Variants in AGBL4 observed in about 807,000 individuals in gnomAD.
AGBL4 encodes cytosolic carboxypeptidase 6.
AGBL4 carries 58 observed loss-of-function variants against 66.4 expected under a neutral mutation model. That is an observed-to-expected ratio of 0.87 (90% CI 0.71 to 1.09). The LOEUF (loss-of-function observed/expected upper bound fraction) is 1.09, where lower values mean the gene tolerates loss of function less well. Among genes scored for constraint, AGBL4 ranks in the 50% least tolerant of loss-of-function variants. The probability of loss-of-function intolerance (pLI) is 0.00; values close to 1 mark genes in which losing one functional copy is unlikely to be tolerated. For missense variants in AGBL4, 579 were observed against 631.0 expected, an observed-to-expected ratio of 0.92 and a Z score of 0.88; for synonymous variants, 234 against 222.9, an observed-to-expected ratio of 1.05 and a Z score of -0.44.
intron 5 of AGBL4, among the ~76,000 whole-genome samples, chr1:48,971,369 C>A (rs957368598): frequency 1.3e-5 from 2 of 152,054 alleles, no homozygotes; most frequent in African/African-American, 4.8e-5. Context: ...ACCATCTCCC[C>A]CTCCACCCCC....
At chr1:49,118,962 TAG>T (rs1226312833) in intron 4 of AGBL4, among the ~76,000 whole-genome samples, 8 of 152,244 alleles carry the variant, frequency 5.3e-5, no homozygotes, top group Non-Finnish European at 1.0e-4. Flanking sequence ...CCATTTCTTC[TAG>T]ATTTTCTAGT....
chr1:49,936,701 G>C (rs191148194), intron 1 of AGBL4, among the ~76,000 whole-genome samples: 3 of 152,132 alleles, frequency 2.0e-5, no homozygotes, highest in African/African-American at 7.2e-5. Flanking sequence ...TTAAGGAAAA[G>C]AATTTTCAAC....
chr1:49,207,599 TTTC>T (rs1475041735), intron 4 of AGBL4, among the ~76,000 whole-genome samples: 53 of 148,582 alleles, frequency 3.6e-4, no homozygotes, highest in Non-Finnish European at 6.2e-4. Context: ...TCTTTCTTTC[TTTC>T]TTCTTTTTAT....
At chr1:48,829,530 T>G (rs1646502842) in intron 6 of AGBL4, among the ~76,000 whole-genome samples, 1 of 152,188 alleles carries the variant, frequency 6.6e-6, no homozygotes, top group African/African-American at 2.4e-5. Context: ...AAGTATAAGT[T>G]CTGCCCTATG....
chr1:49,568,177 A>C (rs1384303113), intron 3 of AGBL4, among the ~76,000 whole-genome samples: 1 of 152,158 alleles, frequency 6.6e-6, no homozygotes, highest in Non-Finnish European at 1.5e-5. Context: ...AGGGCATCCA[A>C]ATAGAAAGAG....
intron 5 of AGBL4, among the ~76,000 whole-genome samples, chr1:48,947,634 C>A (rs1454260295): frequency 6.6e-6 from 1 of 152,164 alleles, no homozygotes; most frequent in Non-Finnish European, 1.5e-5. Context: ...AGAAGAATAT[C>A]AACCTAAATT....
At chr1:49,694,737 G>A (rs1011211296) in intron 3 of AGBL4, among the ~76,000 whole-genome samples, 4 of 152,136 alleles carry the variant, frequency 2.6e-5, no homozygotes, top group Non-Finnish European at 1.5e-5. Flanking sequence ...CACTCTGGCA[G>A]AGACATTTTG....
chr1:49,238,922 G>A (rs890555917), intron 4 of AGBL4, among the ~76,000 whole-genome samples: 1 of 152,060 alleles, frequency 6.6e-6, no homozygotes, highest in Non-Finnish European at 1.5e-5. Context: ...AGGTCCTAAG[G>A]AACCTAAGTA....
chr1:49,584,073 T>A (rs1009015735), intron 3 of AGBL4, among the ~76,000 whole-genome samples: 3 of 152,204 alleles, frequency 2.0e-5, no homozygotes, highest in African/African-American at 7.2e-5. Flanking sequence ...TGTTGCTATT[T>A]CTGCTTTGTG....
At chr1:48,717,634 A>C (rs1463600871) in intron 6 of AGBL4, among the ~76,000 whole-genome samples, 2 of 152,188 alleles carry the variant, frequency 1.3e-5, no homozygotes, top group Non-Finnish European at 2.9e-5. Context: ...AGGAGGATTC[A>C]AGGTGAATCT....
At chr1:49,069,137 T>G (rs1283070050) in intron 4 of AGBL4, among the ~76,000 whole-genome samples, 1 of 152,244 alleles carries the variant, frequency 6.6e-6, no homozygotes, top group South Asian at 2.1e-4. Context: ...ATTAGCCCTT[T>G]GTCAGATGGC....
chr1:49,907,287 G>A (rs1650369894), intron 1 of AGBL4, among the ~76,000 whole-genome samples: 1 of 152,078 alleles, frequency 6.6e-6, no homozygotes, highest in East Asian at 1.9e-4. Flanking sequence ...TTTTTAAAGG[G>A]TTCCTCCTAT....
At chr1:50,014,307 G>A (rs1030784077) in intron 1 of AGBL4, among the ~76,000 whole-genome samples, 1 of 151,656 alleles carries the variant, frequency 6.6e-6, no homozygotes, top group Non-Finnish European at 1.5e-5. Context: ...GGAGGTGGAG[G>A]CTGCAGTGAG....
At chr1:49,213,671 T>C (rs72684826) in intron 4 of AGBL4, among the ~76,000 whole-genome samples, 18 of 152,266 alleles carry the variant, frequency 1.2e-4, no homozygotes, top group Non-Finnish European at 2.5e-4. Flanking sequence ...ATTAGCCACC[T>C]TCAGATATTT....
chr1:49,656,105 C>T (rs1475498998), intron 3 of AGBL4, among the ~76,000 whole-genome samples: 3 of 151,812 alleles, frequency 2.0e-5, no homozygotes, highest in African/African-American at 4.8e-5. Flanking sequence ...CAAGATCGTG[C>T]CACTGCACTC....
chr1:48,567,327 G>T (rs1023131505), intron 11 of AGBL4, among the ~76,000 whole-genome samples: 1 of 152,108 alleles, frequency 6.6e-6, no homozygotes, highest in African/African-American at 2.4e-5. Flanking sequence ...ACATTCCTGG[G>T]GTCCCAGAGG....
At chr1:48,857,664 T>C (rs1647210070) in intron 6 of AGBL4, among the ~76,000 whole-genome samples, 1 of 151,894 alleles carries the variant, frequency 6.6e-6, no homozygotes, top group East Asian at 1.9e-4. Flanking sequence ...GAGCTTTCAG[T>C]GAGCCAAGAT....
intron 5 of AGBL4, among the ~76,000 whole-genome samples, chr1:48,946,961 TGCATC>T: frequency 6.6e-6 from 1 of 152,336 alleles, no homozygotes; most frequent in African/African-American, 2.4e-5. Flanking sequence ...GGAAAGGCTC[TGCATC>T]TCAGAGTCTA....
intron 6 of AGBL4, among the ~76,000 whole-genome samples, chr1:48,766,426 C>T (rs539438452): frequency 6.6e-6 from 1 of 152,286 alleles, no homozygotes; most frequent in South Asian, 2.1e-4. Context: ...TCTAAATTCC[C>T]CAGCCTAAGC....
Sources: allele counts gnomAD v4.1 joint callset (sites outside exome capture counted in the v4.1 genomes callset), GRCh38; gene constraint gnomAD v4.1.1; transcripts MANE v1.5; gene names NCBI Gene and HGNC (gene_info 2026-07-23, HGNC 2026-07-21).